Variants in DLGAP1 observed in about 807,000 individuals in gnomAD.
The protein encoded by DLGAP1 is DLG associated protein 1.
DLGAP1 carries 11 observed loss-of-function variants against 90.8 expected under a neutral mutation model. The ratio of observed to expected loss-of-function variants is 0.12; its 90% CI spans 0.08 to 0.20. DLGAP1 has a LOEUF of 0.20. DLGAP1 is among the 10% of genes least tolerant of loss of function. The probability of loss-of-function intolerance (pLI) is 1.00; values close to 1 mark genes in which losing one functional copy is unlikely to be tolerated. For missense variants in DLGAP1, 1,050 were observed against 1,333.8 expected (o/e 0.79, Z 3.31); for synonymous variants, 558 against 540.7 (o/e 1.03, Z -0.44).
At chr18:4,214,712 T>C (rs181394095) in intron 1 of DLGAP1, among the ~76,000 whole-genome samples, 3 of 152,298 alleles carry the variant, frequency 2.0e-5, no homozygotes, top group East Asian at 3.9e-4. Flanking sequence ...GACCACTATA[T>C]AGATACATTA....
rs554715512 is a variant in DLGAP1 at position 4,130,038 on chromosome 18, T to C, written c.-159+21142A>G. On this transcript the variant is annotated intron_variant, in intron 2 of 12. Coordinates refer to ENST00000315677, the MANE Select transcript of DLGAP1 (RefSeq NM_004746.4). ...CCCTCATTTGACCAGCTTTTCACCATGTCCAAACCTTCCAGAACATTGTGA... is the reference window on the plus strand; with the variant it reads ...CCCTCATTTGACCAGCTTTTCACCACGTCCAAACCTTCCAGAACATTGTGA... Among the ~76,000 whole-genome samples, 5 of 152,294 alleles carry C rather than the reference T, an allele frequency of 3.3e-5. No homozygotes were observed. The South Asian group carries it at 6.2e-4, about 19-fold the overall frequency.
At chr18:3,905,257 C>T (rs991455127) in intron 3 of DLGAP1, among the ~76,000 whole-genome samples, 2 of 146,882 alleles carry the variant, frequency 1.4e-5, no homozygotes, top group South Asian at 2.2e-4. Flanking sequence ...GTCCCAGCTA[C>T]TCGGGAGGCT....
intron 1 of DLGAP1, among the ~76,000 whole-genome samples, chr18:4,431,575 T>C (rs889699626): frequency 1.1e-4 from 17 of 152,222 alleles, no homozygotes; most frequent in Admixed American, 7.9e-4. Context: ...ACCATCCTCT[T>C]TGAGGTGAAA....
At chr18:3,557,123 A>G (rs474941) in intron 9 of DLGAP1, among the ~76,000 whole-genome samples, 130,387 of 152,162 alleles carry the variant, frequency 0.86, 57,242 homozygotes, top group Non-Finnish European at 0.94. Context: ...CTATGGTGGA[A>G]GCTTAAATAA....
intron 3 of DLGAP1, among the ~76,000 whole-genome samples, chr18:3,898,017 A>C (rs375351578): frequency 2.0e-5 from 3 of 151,640 alleles, no homozygotes; most frequent in Non-Finnish European, 4.4e-5. Context: ...GATGGTCTCG[A>C]TCTCCTGACC....
At chr18:4,291,767 C>T (rs2079855608) in intron 1 of DLGAP1, among the ~76,000 whole-genome samples, 1 of 152,046 alleles carries the variant, frequency 6.6e-6, no homozygotes. Context: ...TACTAAGGTG[C>T]CAATCCTATA....
rs865973779 is a variant in DLGAP1, at chr18:3,773,573, T to C, written c.1173-31061A>G. 8.5e-5 allele frequency among the ~76,000 whole-genome samples: 13 copies of C among 152,332 alleles called. No homozygotes were observed. The Middle Eastern group carries it at 0.01, about 120-fold the overall frequency. ...CTGGTTTGCTTTTGGATAAGATGAC[T>C]TTTGATCCCCTAGTGCTGAAAACAA... On this transcript the variant is annotated intron_variant, in intron 5 of 12. Coordinates refer to ENST00000315677, the MANE Select transcript of DLGAP1 (RefSeq NM_004746.4).
At chr18:4,326,223 C>A (rs189767771) in intron 1 of DLGAP1, among the ~76,000 whole-genome samples, 24 of 152,154 alleles carry the variant, frequency 1.6e-4, no homozygotes, top group Non-Finnish European at 2.4e-4. Flanking sequence ...GACACACATG[C>A]AGCCAATAAA....
Position 4,088,856 on chromosome 18 carries a change from G to A in DLGAP1, c.-159+62324C>T, listed in dbSNP as rs556780863. Among the ~76,000 whole-genome samples the A allele has an allele frequency of 5.3e-5, 8 of 152,250 alleles. No individual in the cohort carries two copies. In the South Asian group the frequency reaches 1.7e-3, roughly 32 times the overall value. On this transcript the variant is annotated intron_variant, in intron 2 of 12. Transcript: ENST00000315677. The stretch of plus-strand genomic sequence containing the variant: ...CCACAGCCAATATCATACTGAATGG[G>A]CAAAAGCTGGAAGCATTCCCCTTGA...
At chr18:4,407,939 T>C (rs142543935) in intron 1 of DLGAP1, among the ~76,000 whole-genome samples, 255 of 152,260 alleles carry the variant, frequency 1.7e-3, no homozygotes, top group African/African-American at 5.9e-3. Flanking sequence ...AGACATTTAT[T>C]GTCCAACTCT....
chr18:4,269,558 G>T lies in DLGAP1; in HGVS notation c.-266-118271C>A, dbSNP rs559069851. ...TTTAGTAGAGACGGGGTTTCACCGT[G>T]TTAGCCAGGATGGTCTCGATCTCCT... On this transcript the variant is annotated intron_variant, in intron 1 of 12. Coordinates refer to ENST00000315677, the MANE Select transcript of DLGAP1 (RefSeq NM_004746.4). Among the ~76,000 whole-genome samples the T allele has an allele frequency of 5.6e-3, 856 of 151,844 alleles. 5 individuals carry two copies. The highest frequency in any genetic ancestry group is 0.02 in the African/African-American group (826 of 41,440).
At chr18:3,992,253 T>G (rs888640350) in intron 3 of DLGAP1, among the ~76,000 whole-genome samples, 4 of 152,244 alleles carry the variant, frequency 2.6e-5, no homozygotes, top group Non-Finnish European at 5.9e-5. Flanking sequence ...CACTACTTTG[T>G]AAAGTAGGGA....
At chr18:3,619,472 CA>C (rs2058014385) in intron 7 of DLGAP1, among the ~76,000 whole-genome samples, 1 of 152,160 alleles carries the variant, frequency 6.6e-6, no homozygotes, top group Non-Finnish European at 1.5e-5. Flanking sequence ...ACCAGGGTTC[CA>C]GTCCTAGAAA....
chr18:3,514,646 ATTTT>A (rs2050726252), intron 10 of DLGAP1, among the ~76,000 whole-genome samples: 1 of 152,190 alleles, frequency 6.6e-6, no homozygotes, highest in Admixed American at 6.5e-5. Flanking sequence ...AGTCACATGA[ATTTT>A]TTGTTTCCCA....
intron 3 of DLGAP1, among the ~76,000 whole-genome samples, chr18:3,926,808 C>G (rs2072402511): frequency 6.6e-6 from 1 of 152,030 alleles, no homozygotes; most frequent in Admixed American, 6.5e-5. Context: ...AGTTGTAACA[C>G]CATTCTTGAC....
intron 11 of DLGAP1, among the ~76,000 whole-genome samples, chr18:3,507,382 T>C (rs910628116): frequency 2.9e-5 from 4 of 137,860 alleles, no homozygotes; most frequent in Admixed American, 2.9e-4. Context: ...CTGGGCATGG[T>C]GGCATGCACC....
At position 4,412,820 on chromosome 18, in the gene DLGAP1, A is replaced by C. The variant is rs570445078; in HGVS notation, c.-267+42186T>G. On this transcript the variant is annotated intron_variant, in intron 1 of 12. Transcript: ENST00000315677. Reference sequence around the variant, plus strand: ...GATTCCAGGATACACAAAGGCCAGCAAACCCACCAGGTCCCCACACTCTGT... The same window carrying C: ...GATTCCAGGATACACAAAGGCCAGCCAACCCACCAGGTCCCCACACTCTGT... Among the ~76,000 whole-genome samples the C allele has an allele frequency of 3.2e-4, 48 of 152,342 alleles. No individual in the cohort carries two copies. In the Middle Eastern group the frequency reaches 0.014, roughly 43 times the overall value.
chr18:4,168,750 T>A (rs1056302226), intron 1 of DLGAP1, among the ~76,000 whole-genome samples: 1 of 152,080 alleles, frequency 6.6e-6, no homozygotes, highest in Non-Finnish European at 1.5e-5. Flanking sequence ...AAGTAAATGA[T>A]TAATTTATTT....
At chr18:4,386,488 C>A (rs1267811565) in intron 1 of DLGAP1, among the ~76,000 whole-genome samples, 1 of 152,148 alleles carries the variant, frequency 6.6e-6, no homozygotes, top group African/African-American at 2.4e-5. Context: ...TATAGTCCAT[C>A]ATGATTAATG....
Sources: allele counts gnomAD v4.1 joint callset (sites outside exome capture counted in the v4.1 genomes callset), GRCh38; gene constraint gnomAD v4.1.1; transcripts MANE v1.5; gene names NCBI Gene and HGNC (gene_info 2026-07-23, HGNC 2026-07-21).